THEMIS2: variants seen among roughly 807,000 people sequenced by gnomAD.
The protein encoded by THEMIS2 is thymocyte selection associated family member 2.
In THEMIS2, 29 loss-of-function variants were observed where a neutral mutation model predicts 46.8. The ratio of observed to expected loss-of-function variants is 0.62; its 90% CI spans 0.46 to 0.84. The LOEUF is 0.84. Among genes scored for constraint, THEMIS2 ranks in the 40% least tolerant of loss-of-function variants. The probability of loss-of-function intolerance (pLI) is 0.00; values close to 1 mark genes in which losing one functional copy is unlikely to be tolerated. For synonymous variants in THEMIS2, 335 were observed against 349.1 expected, an observed-to-expected ratio of 0.96 and a Z score of 0.45; for missense variants, 698 against 834.7, an observed-to-expected ratio of 0.84 and a Z score of 2.02.
chr1:27,882,996 CAG>C lies in THEMIS2; in HGVS notation c.1673_1674del (p.Gln558ArgfsTer11). 1 of 1,613,012 alleles carries C rather than the reference CAG, an allele frequency of 6.2e-7. No individual in the cohort carries two copies. The highest frequency in any genetic ancestry group is 8.5e-7 in the Non-Finnish European group (1 of 1,179,552). Reference sequence around the variant, plus strand: ...CCCCCCACCCAGGCCCCCTAAAAATCAGGGCCTCAGCAAGCAGAGGAGACACA... The same window carrying C: ...CCCCCCACCCAGGCCCCCTAAAAATCGGCCTCAGCAAGCAGAGGAGACACA... ...QAPPPRPPKN[Q>X]GLSKQRRHSS... On this transcript the variant is annotated frameshift_variant, in exon 4 of 6. Coordinates refer to ENST00000373921, the MANE Select transcript of THEMIS2 (RefSeq NM_001105556.3). LOFTEE classifies it high-confidence loss of function. This position sits in a 1 kb window ranked among gnomAD's most constrained non-coding sequence, Gnocchi z 7.6.
chr1:27,873,241 T>C (rs147243317), intron 1 of THEMIS2, among the ~76,000 whole-genome samples: 174 of 152,288 alleles, frequency 1.1e-3, no homozygotes, highest in African/African-American at 4.0e-3. Context: ...ACATCTGCCG[T>C]CTGCCCGCAG....
chr1:27,874,128 C>T (rs2089538551), intron 1 of THEMIS2, among the ~76,000 whole-genome samples: 1 of 149,924 alleles, frequency 6.7e-6, no homozygotes, highest in African/African-American at 2.5e-5. Flanking sequence ...ACCTCCTGGG[C>T]TCAAGTGATC....
chr1:27,878,843 CAG>C (rs1337860860), intron 2 of THEMIS2, among the ~76,000 whole-genome samples: 1 of 152,112 alleles, frequency 6.6e-6, no homozygotes, highest in Non-Finnish European at 1.5e-5. Context: ...CCCCTCAATC[CAG>C]AGTCCAGTCC....
chr1:27,884,099 CCT>C (rs1215572533), intron 4 of THEMIS2: 2 of 151,980 alleles, frequency 1.3e-5, no homozygotes, highest in African/African-American at 2.4e-5. Context: ...GTGGCAGGCC[CCT>C]GATATGCTTT....
Position 27,885,349 on chromosome 1 carries a change from A to C in THEMIS2, c.1774A>C (p.Lys592Gln). Residue 592 changes from lysine (K) to glutamine (Q), a missense_variant, in exon 5 of 6, where the codon AAG becomes CAG. Transcript: ENST00000373921. ...CGCTCGGCTGCCCAAACCCAAGGCG[A>C]AGACCTTGCCAGAGTTCATCAAGGA... ...QHARLPKPKA[K>Q]TLPEFIKDGS... 6.2e-7 allele frequency: 1 copy of C among 1,614,208 alleles called. No individual in the cohort carries two copies. Among genetic ancestry groups the C allele is most frequent in the Non-Finnish European group, 8.5e-7 (1 of 1,180,026 alleles).
At chr1:27,873,726 T>A (rs1229398708) in intron 1 of THEMIS2, among the ~76,000 whole-genome samples, 1 of 152,150 alleles carries the variant, frequency 6.6e-6, no homozygotes, top group Non-Finnish European at 1.5e-5. Flanking sequence ...GGAAGGCGCC[T>A]GGGATCTGTT....
Position 27,886,108 on chromosome 1 carries a change from C to T in THEMIS2, c.*186C>T. 5 of 604,582 alleles carry T rather than the reference C, an allele frequency of 8.3e-6. No individual in the cohort carries two copies. In the South Asian group the frequency reaches 1.0e-4, roughly 12 times the overall value. The allele number at this position is 604,582 out of a possible 1,614,324, so 37.5% of individuals were successfully genotyped here. ...TCCTTCAGGTTCTAGATTCTTGCTA[C>T]TTAGGGCGGGCTGGTTTGGACCTAA... is the stretch of plus-strand genomic sequence containing the variant. On this transcript the variant is annotated 3_prime_UTR_variant, in exon 6 of 6. Transcript: ENST00000373921.
rs756602762 is a variant in THEMIS2 at position 27,876,540 on chromosome 1, A to G, written c.95-48A>G. On this transcript the variant is annotated intron_variant, in intron 1 of 5. Transcript: ENST00000373921. ...TTGGGCACCAGGGCACAGGCTGCCC[A>G]GCACTTGGCCCTTGTCCAATGGGGA... The G allele has an allele frequency of 6.3e-6, 10 of 1,597,158 alleles. No individual in the cohort carries two copies. The African/African-American group carries it at 1.3e-4, about 21-fold the overall frequency.
chr1:27,875,723 C>T (rs1057010265), intron 1 of THEMIS2, among the ~76,000 whole-genome samples: 4 of 151,466 alleles, frequency 2.6e-5, no homozygotes, highest in East Asian at 1.9e-4. Context: ...TTTTTTGAGA[C>T]GGAGTCTCAC....
At position 27,886,550 on chromosome 1, in the gene THEMIS2, G is replaced by T. The variant is rs1288427028; in HGVS notation, c.*628G>T. The T allele has an allele frequency of 6.6e-6, 1 of 152,228 alleles. No homozygotes were observed. The highest frequency in any genetic ancestry group is 1.9e-4 in the East Asian group (1 of 5,194). The allele number at this position is 152,228 out of a possible 1,614,324, so 9.4% of individuals were successfully genotyped here. On this transcript the variant is annotated 3_prime_UTR_variant, in exon 6 of 6. Transcript: ENST00000373921. Reference sequence around the variant, plus strand: ...GGAGCCAATTTAAGAAGACCCTTATGGAGACCTGAGGCTGCAGAAACTGGT... The same window carrying T: ...GGAGCCAATTTAAGAAGACCCTTATTGAGACCTGAGGCTGCAGAAACTGGT...
At chr1:27,880,447 A>C (rs960759323) in intron 3 of THEMIS2, among the ~76,000 whole-genome samples, 2 of 151,762 alleles carry the variant, frequency 1.3e-5, no homozygotes, top group Admixed American at 1.3e-4. Context: ...TGGCCTCCCA[A>C]AGTGCTGGGA....
In THEMIS2 at chr1:27,872,559, A is replaced by G. The variant is rs746013300; in HGVS notation, c.-13A>G. On this transcript the variant is annotated 5_prime_UTR_variant, in exon 1 of 6. Transcript: ENST00000373921. This position sits in a 1 kb window ranked among gnomAD's most constrained non-coding sequence, Gnocchi z 4.9. Reference sequence around the variant, plus strand: ...CCCGCCCCTCAGTCTGAGCCCAGAGAGCCGCGGGGACCATGGAGCCGGTGC... The same window carrying G: ...CCCGCCCCTCAGTCTGAGCCCAGAGGGCCGCGGGGACCATGGAGCCGGTGC... 29 of 1,483,168 alleles carry G rather than the reference A, an allele frequency of 2.0e-5. No homozygotes were observed. The African/African-American group carries it at 2.8e-4, about 14-fold the overall frequency. 91.9% of individuals were successfully genotyped at this position (1,483,168 alleles called of 1,614,324 possible).
At position 27,882,142 on chromosome 1, in the gene THEMIS2, C is replaced by T; in HGVS notation, c.818C>T (p.Pro273Leu). The change falls in exon 4 of 6, where the codon CCC becomes CTC. Residue 273 changes from proline to leucine, a missense_variant. Physicochemically the swap from Pro to Leu is moderately conservative, Grantham distance 98. Transcript: ENST00000373921. This position sits in a 1 kb window ranked among gnomAD's most constrained non-coding sequence, Gnocchi z 7.6. Reference sequence around the variant, plus strand: ...ATCCTGGAGGTTCCTGAGGGCCGCCCCATCTTCCTCAGCCCGTGGGTGGGC... The same window carrying T: ...ATCCTGGAGGTTCCTGAGGGCCGCCTCATCTTCCTCAGCCCGTGGGTGGGC... ...MEILEVPEGR[P>L]IFLSPWVGSL... is the part of the protein sequence containing the mutation. The T allele has an allele frequency of 1.2e-6, 2 of 1,614,188 alleles. No homozygotes were observed. Among genetic ancestry groups the T allele is most frequent in the South Asian group, 1.1e-5 (1 of 91,090 alleles).
intron 1 of THEMIS2, among the ~76,000 whole-genome samples, chr1:27,875,728 TCTCA>T (rs2089563645): frequency 6.6e-6 from 1 of 152,026 alleles, no homozygotes; most frequent in South Asian, 2.1e-4. Context: ...TGAGACGGAG[TCTCA>T]CTCTGTCACC....
intron 4 of THEMIS2, chr1:27,884,319 A>G (rs528422719): frequency 2.0e-5 from 3 of 152,342 alleles, no homozygotes; most frequent in African/African-American, 7.2e-5. Flanking sequence ...GATGAGACAG[A>G]TCAAAAGTCC....
chr1:27,878,177 T>C (rs978903591), intron 2 of THEMIS2, among the ~76,000 whole-genome samples: 1 of 147,070 alleles, frequency 6.8e-6, no homozygotes, highest in Non-Finnish European at 1.5e-5. Context: ...GCAGGCACAC[T>C]CTGAGGACTG....
chr1:27,876,779 A>G, intron 2 of THEMIS2, 51 bp downstream of exon 2: 1 of 1,591,382 alleles, frequency 6.3e-7, no homozygotes, highest in Non-Finnish European at 8.6e-7. Flanking sequence ...CTCCTGGCAC[A>G]CCCGCAGGCT....
intron 1 of THEMIS2, among the ~76,000 whole-genome samples, chr1:27,873,831 C>G (rs911837989): frequency 6.6e-6 from 1 of 151,948 alleles, no homozygotes; most frequent in Non-Finnish European, 1.5e-5. Context: ...CTGCCTGACG[C>G]GGGATGGTGG....
chr1:27,882,039 C>G lies in THEMIS2; in HGVS notation c.715C>G (p.Arg239Gly). Reference protein sequence around the residue: ...VDVEDVTASSRHVHFIKPLLL... With the variant: ...VDVEDVTASSGHVHFIKPLLL... ...CGTGGAGGACGTCACCGCCTCCTCC[C>G]GGCACGTCCACTTTATCAAACCGCT... The change falls in exon 4 of 6, where the codon CGG becomes GGG. Residue 239 changes from arginine (R) to glycine (G), a missense_variant. Arg to Gly is a moderately radical substitution (Grantham distance 125). Transcript: ENST00000373921. The surrounding 1 kb of genome is among the most constrained non-coding windows in gnomAD (Gnocchi z 7.6). 6.2e-7 allele frequency: 1 copy of G among 1,614,146 alleles called. No homozygotes were observed. The highest frequency in any genetic ancestry group is 8.5e-7 in the Non-Finnish European group (1 of 1,180,032).
Sources: gnomAD v4.1 joint callset for allele counts (sites outside exome capture counted in the v4.1 genomes callset) on GRCh38, gnomAD v4.1.1 for gene constraint, Gnocchi (gnomAD v3.1) non-coding constraint, MANE v1.5 for transcripts, NCBI Gene and HGNC (gene_info 2026-07-23, HGNC 2026-07-21) for gene names.